SOBP: variants seen among roughly 807,000 people sequenced by gnomAD.
The protein encoded by SOBP is sine oculis-binding protein homolog.
Under a neutral mutation model 53.6 loss-of-function variants are expected in SOBP, and 4 were observed. The ratio of observed to expected loss-of-function variants is 0.07; its 90% CI spans 0.04 to 0.17. The LOEUF (loss-of-function observed/expected upper bound fraction) is 0.17. SOBP is among the 10% of genes least tolerant of loss of function. The pLI is 1.00. For synonymous variants in SOBP, 584 were observed against 522.6 expected (o/e 1.12, Z -1.60); for missense variants, 1,088 against 1,204.7 (o/e 0.90, Z 1.43).
rs774702360 is a variant in SOBP, at chr6:107,634,211, T to A, written c.1367T>A (p.Leu456Gln). ...TCCAGCCCCATGCACCGGCCCATGC[T>A]ATCGCCCCACATCCACCCCCCGAGC... ...PTSSPMHRPM[L>Q]SPHIHPPSTP... Residue 456 changes from leucine to glutamine, a missense_variant, in exon 6 of 7, where the codon CTA (leucine) becomes CAA (glutamine). Coordinates refer to ENST00000317357, the MANE Select transcript of SOBP (RefSeq NM_018013.4). The surrounding 1 kb of genome is among the most constrained non-coding windows in gnomAD (Gnocchi z 4.5). The A allele has an allele frequency of 1.3e-5, 20 of 1,598,966 alleles. No homozygotes were observed. The highest frequency in any genetic ancestry group is 1.7e-5 in the Non-Finnish European group (20 of 1,176,130).
intron 3 of SOBP, among the ~76,000 whole-genome samples, chr6:107,510,110 G>A (rs955915085): frequency 6.6e-6 from 1 of 152,184 alleles, no homozygotes; most frequent in Admixed American, 6.5e-5. Flanking sequence ...TAGTATTTTA[G>A]ACTTTTTAGA....
In SOBP at chr6:107,648,529, G is replaced by GT. The variant is rs35304487; in HGVS notation, c.*4-9666dup. Among the ~76,000 whole-genome samples, 1,201 of 147,126 alleles carry GT rather than the reference G, an allele frequency of 8.2e-3. 15 individuals carry two copies. Among genetic ancestry groups the GT allele is most frequent in the Middle Eastern group, 0.032 (9 of 280 alleles). ...GGATGAGACTTGATGAAAATGTGTG[G>GT]TTTTTTTTTTTTCTTATGAAAAACT... On this transcript the variant is annotated intron_variant, in intron 6 of 6. Transcript: ENST00000317357.
At chr6:107,614,014 G>A (rs1048512866) in intron 5 of SOBP, among the ~76,000 whole-genome samples, 1 of 152,194 alleles carries the variant, frequency 6.6e-6, no homozygotes, top group African/African-American at 2.4e-5. Context: ...GAAGTATGTT[G>A]TGTTTCATCT....
chr6:107,551,637 A>G (rs1216833644), intron 4 of SOBP, among the ~76,000 whole-genome samples: 1 of 152,236 alleles, frequency 6.6e-6, no homozygotes, highest in Non-Finnish European at 1.5e-5. Context: ...ATATGTATTT[A>G]AAACTGAAAT....
At chr6:107,543,568 G>A (rs1238174462) in intron 4 of SOBP, among the ~76,000 whole-genome samples, 2 of 152,194 alleles carry the variant, frequency 1.3e-5, no homozygotes, top group Non-Finnish European at 2.9e-5. Context: ...ATGGGGAGGG[G>A]TAGCTACCAG....
chr6:107,536,203 G>T (rs1364673467), intron 4 of SOBP, among the ~76,000 whole-genome samples: 1 of 152,152 alleles, frequency 6.6e-6, no homozygotes, highest in Non-Finnish European at 1.5e-5. Context: ...CTTCTTGCTG[G>T]ATAGCATGGT....
intron 6 of SOBP, among the ~76,000 whole-genome samples, chr6:107,654,447 G>A (rs920391404): frequency 3.9e-5 from 6 of 152,166 alleles, no homozygotes; most frequent in Non-Finnish European, 7.3e-5. Flanking sequence ...CCATAGATGT[G>A]TGTGTATGTT....
intron 5 of SOBP, among the ~76,000 whole-genome samples, chr6:107,594,168 C>T (rs898008060): frequency 3.3e-5 from 5 of 152,140 alleles, no homozygotes; most frequent in African/African-American, 4.8e-5. Context: ...TGTGTGTCTG[C>T]GTCCTGGTGT....
intron 4 of SOBP, among the ~76,000 whole-genome samples, chr6:107,575,791 A>G (rs1785207679): frequency 6.6e-6 from 1 of 152,218 alleles, no homozygotes; most frequent in Admixed American, 6.5e-5. Context: ...ATTGTCATCC[A>G]GAAATGAACT....
At chr6:107,577,130 G>C (rs1479739808) in intron 4 of SOBP, among the ~76,000 whole-genome samples, 4 of 152,188 alleles carry the variant, frequency 2.6e-5, no homozygotes, top group African/African-American at 7.2e-5. Context: ...TCTGGTGTCT[G>C]TCTCCCCTTT....
intron 4 of SOBP, among the ~76,000 whole-genome samples, chr6:107,586,137 G>T (rs2115058785): frequency 6.6e-6 from 1 of 152,278 alleles, no homozygotes; most frequent in East Asian, 1.9e-4. Context: ...AGGGAGCCAG[G>T]AGCTCATCAT....
intron 4 of SOBP, among the ~76,000 whole-genome samples, chr6:107,534,414 G>A (rs1338304348): frequency 2.0e-5 from 3 of 152,156 alleles, no homozygotes; most frequent in Non-Finnish European, 4.4e-5. Flanking sequence ...TAACTTGCTA[G>A]TCCTCAATTA....
intron 4 of SOBP, among the ~76,000 whole-genome samples, chr6:107,578,052 C>G (rs1785287878): frequency 1.5e-5 from 2 of 135,590 alleles, no homozygotes; most frequent in East Asian, 2.3e-4. Context: ...CCAGCCTGGG[C>G]TACAGAGCAA....
intron 4 of SOBP, among the ~76,000 whole-genome samples, chr6:107,547,506 T>C (rs1455226509): frequency 6.6e-6 from 1 of 152,236 alleles, no homozygotes; most frequent in African/African-American, 2.4e-5. Context: ...TTAAAAGAGT[T>C]GACACAGAGG....
chr6:107,614,515 A>G (rs1786710514), intron 5 of SOBP, among the ~76,000 whole-genome samples: 1 of 152,162 alleles, frequency 6.6e-6, no homozygotes, highest in Admixed American at 6.5e-5. Flanking sequence ...TTCGAGAGAG[A>G]GGGGGCCAGG....
In SOBP at chr6:107,588,843, A is replaced by C. The variant is rs188425189; in HGVS notation, c.669+1668A>C. Reference sequence around the variant, plus strand: ...GCAGTAGTTTTGAGCAATTTGGTACAATCTTCGTCCTTCCAGTCACTGTTA... The same window carrying C: ...GCAGTAGTTTTGAGCAATTTGGTACCATCTTCGTCCTTCCAGTCACTGTTA... On this transcript the variant is annotated intron_variant, in intron 5 of 6. Transcript: ENST00000317357. Among the ~76,000 whole-genome samples the C allele has an allele frequency of 3.9e-5, 6 of 152,336 alleles. No individual in the cohort carries two copies. In the East Asian group the frequency reaches 1.2e-3, roughly 29 times the overall value.
intron 3 of SOBP, chr6:107,511,812 T>C (rs1424049956): frequency 1.3e-5 from 2 of 152,254 alleles, no homozygotes; most frequent in African/African-American, 2.4e-5. Context: ...ATGTGTGCAT[T>C]CATCTTCCAA....
chr6:107,634,854 C>T lies in SOBP; in HGVS notation c.2010C>T (p.Arg670=). ...HRARLHNVIH[R]ALHAHVKAER... is the part of the protein sequence containing the mutation. The stretch of plus-strand genomic sequence containing the variant: ...CCCGGCTGCACAACGTGATCCACCG[C>T]GCGCTGCACGCGCACGTCAAGGCGG... The change falls in exon 6 of 7, where the codon CGC becomes CGT. Residue 670 remains arginine (R), a synonymous_variant. Coordinates refer to ENST00000317357, the MANE Select transcript of SOBP (RefSeq NM_018013.4). The surrounding 1 kb of genome is among the most constrained non-coding windows in gnomAD (Gnocchi z 4.5). 2.2e-6 allele frequency: 3 copies of T among 1,390,902 alleles called. No individual in the cohort carries two copies. Among genetic ancestry groups the T allele is most frequent in the Non-Finnish European group, 1.9e-6 (2 of 1,067,224 alleles). 86.2% of individuals were successfully genotyped at this position (1,390,902 alleles called of 1,614,324 possible). A position where few individuals can be genotyped will look rare whatever the true frequency, so the allele number is the denominator to read the frequency against.
At chr6:107,536,836 T>C (rs575083805) in intron 4 of SOBP, among the ~76,000 whole-genome samples, 24 of 152,326 alleles carry the variant, frequency 1.6e-4, no homozygotes, top group African/African-American at 5.8e-4. Context: ...CTCTAGGAAG[T>C]GGATAGTGTT....
Sources: gnomAD v4.1 joint callset for allele counts (sites outside exome capture counted in the v4.1 genomes callset) on GRCh38, gnomAD v4.1.1 for gene constraint, Gnocchi (gnomAD v3.1) non-coding constraint, MANE v1.5 for transcripts, NCBI Gene and HGNC (gene_info 2026-07-23, HGNC 2026-07-21) for gene names.